Variants in USP54 observed in about 807,000 individuals in gnomAD.
The protein encoded by USP54 is ubiquitin specific peptidase 54, also known as ubiquitin carboxyl-terminal hydrolase 54.
A neutral mutation model predicts 170.5 loss-of-function variants in USP54; 87 were observed. The observed-to-expected ratio is 0.51, with a 90% confidence interval of 0.43 to 0.61. USP54 has a LOEUF of 0.61. Ranked by LOEUF, USP54 falls within the 20% of genes least tolerant of loss-of-function variation. USP54 has a pLI of 0.00. For missense variants in USP54, 1,786 were observed against 2,047.8 expected, an observed-to-expected ratio of 0.87 and a Z score of 2.47; for synonymous variants, 655 against 742.8, an observed-to-expected ratio of 0.88 and a Z score of 1.92.
chr10:73,562,197 T>C (rs1402183166), intron 4 of USP54, among the ~76,000 whole-genome samples: 2 of 152,162 alleles, frequency 1.3e-5, no homozygotes, highest in Admixed American at 6.5e-5. Context: ...GTGTGCTTCC[T>C]AGAATGGTTG....
intron 17 of USP54, among the ~76,000 whole-genome samples, chr10:73,521,358 C>A (rs185933793): frequency 1.4e-4 from 21 of 152,276 alleles, no homozygotes; most frequent in Admixed American, 7.2e-4. Context: ...CGGAGGAAGT[C>A]CCTCAAGGAA....
chr10:73,545,786 T>C, intron 4 of USP54, 114 bp from the exon 5 acceptor site: 4 of 1,231,756 alleles, frequency 3.2e-6, no homozygotes, highest in Non-Finnish European at 4.5e-6. Context: ...CCAAATGTGC[T>C]TCCCATGGGT....
At chr10:73,600,988 T>C (rs1196610814) in intron 1 of USP54, among the ~76,000 whole-genome samples, 1 of 152,206 alleles carries the variant, frequency 6.6e-6, no homozygotes, top group Non-Finnish European at 1.5e-5. Flanking sequence ...CCCTGTAACA[T>C]GCAGTTTACC....
chr10:73,585,935 C>T (rs1291360236), intron 1 of USP54, among the ~76,000 whole-genome samples: 1 of 152,016 alleles, frequency 6.6e-6, no homozygotes, highest in Non-Finnish European at 1.5e-5. Context: ...ATCTTGAACC[C>T]GGGAGGCAGA....
At chr10:73,604,317 T>A (rs1290855446) in intron 1 of USP54, among the ~76,000 whole-genome samples, 1 of 152,170 alleles carries the variant, frequency 6.6e-6, no homozygotes, top group Non-Finnish European at 1.5e-5. Flanking sequence ...GAAATTGGTA[T>A]CCTTGTGCAC....
chr10:73,624,170 A>G (rs1424360613), intron 1 of USP54, among the ~76,000 whole-genome samples: 4 of 105,222 alleles, frequency 3.8e-5, no homozygotes, highest in African/African-American at 1.3e-4. Context: ...ATATATATAT[A>G]TATATATATA....
intron 7 of USP54, 107 bp downstream of exon 7, chr10:73,542,696 A>C: frequency 8.9e-7 from 1 of 1,123,796 alleles, no homozygotes; most frequent in Non-Finnish European, 1.3e-6. Flanking sequence ...GTGCCACTGC[A>C]CTGCAGCCTG....
At chr10:73,581,991 C>T (rs1367282021) in intron 1 of USP54, among the ~76,000 whole-genome samples, 2 of 152,200 alleles carry the variant, frequency 1.3e-5, no homozygotes, top group Admixed American at 1.3e-4. Flanking sequence ...ATACACAGTA[C>T]AGCTTAATGT....
chr10:73,511,038 G>A (rs2060114421), intron 20 of USP54, among the ~76,000 whole-genome samples: 1 of 149,690 alleles, frequency 6.7e-6, no homozygotes, highest in South Asian at 2.1e-4. Context: ...GTTGGGGGAA[G>A]AAAAGGAGGA....
Position 73,543,128 on chromosome 10 carries a change from T to G in USP54, c.379A>C (p.Asn127His), listed in dbSNP as rs1459039484. 9 of 1,608,770 alleles carry G rather than the reference T, an allele frequency of 5.6e-6. No individual in the cohort carries two copies. The highest frequency in any genetic ancestry group is 7.7e-6 in the Non-Finnish European group (9 of 1,175,230). ...TGGAAGTGAATTCTCATCAGGAGGT[T>G]TTCCTGACAGGGAAAGAACAAAAGC... The part of the protein sequence containing the change: ...IMDDAAECFE[N>H]LLMRIHFHIA... Residue 127 changes from asparagine to histidine, a missense_variant, in exon 6 of 24, where the codon AAC becomes CAC. Coordinates refer to ENST00000687698, the MANE Select transcript of USP54 (RefSeq NM_001391956.1).
chr10:73,527,964 T>TC (rs2063244786), intron 15 of USP54, among the ~76,000 whole-genome samples: 1 of 152,190 alleles, frequency 6.6e-6, no homozygotes, highest in African/African-American at 2.4e-5. Flanking sequence ...AGATGGAGTT[T>TC]CGCTCTTGTC....
Position 73,620,172 on chromosome 10 carries a change from G to A in USP54, c.-18+5395C>T, listed in dbSNP as rs1489553643. Among the ~76,000 whole-genome samples the A allele has an allele frequency of 4.0e-5, 6 of 150,000 alleles. 1 individual carries two copies. Among genetic ancestry groups the A allele is most frequent in the African/African-American group, 1.5e-4 (6 of 39,438 alleles). ...TACTGAAAATACAATAATTAGCTGG[G>A]CGTGGTGGCGGGCGCCTGTAGTCCC... is the stretch of plus-strand genomic sequence containing the variant. On this transcript the variant is annotated intron_variant, in intron 1 of 22. Coordinates refer to the USP54 transcript ENST00000339859.
At chr10:73,561,576 G>A (rs1332374306) in intron 4 of USP54, among the ~76,000 whole-genome samples, 2 of 152,164 alleles carry the variant, frequency 1.3e-5, no homozygotes, top group African/African-American at 4.8e-5. Flanking sequence ...AACACTCCAC[G>A]CAAAGTGAAT....
At chr10:73,602,409 C>A (rs1343720064) in intron 1 of USP54, among the ~76,000 whole-genome samples, 1 of 151,846 alleles carries the variant, frequency 6.6e-6, no homozygotes, top group Non-Finnish European at 1.5e-5. Context: ...AAAAATTAGC[C>A]GGGCGTGGTG....
chr10:73,550,215 C>A (rs549256688), intron 4 of USP54, among the ~76,000 whole-genome samples: 1 of 152,192 alleles, frequency 6.6e-6, no homozygotes, highest in Non-Finnish European at 1.5e-5. Flanking sequence ...TGGGCCACCA[C>A]GCCCAGCCAT....
intron 20 of USP54, among the ~76,000 whole-genome samples, chr10:73,515,095 T>G (rs1402341182): frequency 6.6e-6 from 1 of 151,902 alleles, no homozygotes; most frequent in Non-Finnish European, 1.5e-5. Context: ...GGTATTCCCC[T>G]CAAAGGCTCT....
At chr10:73,540,263 A>G (rs1161556805) in intron 9 of USP54, among the ~76,000 whole-genome samples, 1 of 150,798 alleles carries the variant, frequency 6.6e-6, no homozygotes, top group Non-Finnish European at 1.5e-5. Flanking sequence ...GAGCCAGGAA[A>G]GTTGGATTAA....
intron 1 of USP54, among the ~76,000 whole-genome samples, chr10:73,618,587 T>G (rs2080836373): frequency 6.8e-6 from 1 of 148,076 alleles, no homozygotes; most frequent in African/African-American, 2.6e-5. Flanking sequence ...CTACTAAAAG[T>G]ACAAAAATTA....
At chr10:73,543,524 G>T (rs994339530) in intron 5 of USP54, among the ~76,000 whole-genome samples, 1 of 151,810 alleles carries the variant, frequency 6.6e-6, no homozygotes, top group African/African-American at 2.4e-5. Context: ...CCGCCACCAC[G>T]CCCGGCTAAT....
Sources: gnomAD v4.1 joint callset for allele counts (sites outside exome capture counted in the v4.1 genomes callset) on GRCh38, gnomAD v4.1.1 for gene constraint, MANE v1.5 for transcripts, NCBI Gene and HGNC (gene_info 2026-07-23, HGNC 2026-07-21) for gene names.